EFNA2: variants seen among roughly 807,000 people sequenced by gnomAD.
EFNA2 encodes the protein ephrin-A2.
Under a neutral mutation model 19.7 loss-of-function variants are expected in EFNA2, and 18 were observed. The observed-to-expected ratio is 0.91, with a 90% CI of 0.63 to 1.35. EFNA2 has a LOEUF of 1.35. Among genes scored for constraint, EFNA2 ranks in the 40% most tolerant of loss-of-function variants. EFNA2 has a pLI of 0.00. For missense variants in EFNA2, 303 were observed against 296.0 expected, an observed-to-expected ratio of 1.02 and a Z score of -0.17; for synonymous variants, 187 against 137.8, an observed-to-expected ratio of 1.36 and a Z score of -2.50.
rs922631139 is a variant in EFNA2 at position 1,296,978 on chromosome 19, G to A, written c.454+1120G>A. Reference sequence around the variant, plus strand: ...AACGGCAGGTGGGGAACACAGCAGCGCCAGCCGGAGTCCCAGTCCTGCTTG... The same window carrying A: ...AACGGCAGGTGGGGAACACAGCAGCACCAGCCGGAGTCCCAGTCCTGCTTG... On this transcript the variant is annotated intron_variant, in intron 2 of 3. Transcript: ENST00000215368. This position sits in a 1 kb window ranked among gnomAD's most constrained non-coding sequence, Gnocchi z 4.4. 6.6e-6 allele frequency among the ~76,000 whole-genome samples: 1 copy of A among 152,330 alleles called. No individual in the cohort carries two copies. The highest frequency in any genetic ancestry group is 2.4e-5 in the African/African-American group (1 of 41,570).
chr19:1,284,608 C>T (rs2081454984), upstream of EFNA2, among the ~76,000 whole-genome samples: 1 of 152,166 alleles, frequency 6.6e-6, no homozygotes, highest in Admixed American at 6.5e-5. The surrounding 1 kb of genome is among the most constrained non-coding windows in gnomAD (Gnocchi z 5.3). Flanking sequence ...GAGGAGGGCA[C>T]GCAGGAGACA....
intron 3 of EFNA2, 63 bp from the exon 4 acceptor site, chr19:1,299,761 G>A: frequency 6.6e-7 from 1 of 1,523,050 alleles, no homozygotes; most frequent in Non-Finnish European, 8.8e-7. Flanking sequence ...GAGGGCGGGC[G>A]GCACGTGGGG....
chr19:1,284,331 C>T (rs1027067910), upstream of EFNA2, among the ~76,000 whole-genome samples: 1 of 152,220 alleles, frequency 6.6e-6, no homozygotes, highest in Non-Finnish European at 1.5e-5. This position sits in a 1 kb window ranked among gnomAD's most constrained non-coding sequence, Gnocchi z 5.3. Context: ...TGAAGAGACA[C>T]CCGGCCAGCC....
At position 1,298,735 on chromosome 19, in the gene EFNA2, T is replaced by C. The variant is rs1004126990; in HGVS notation, c.520+119T>C. ...GGCCTCGGGTTTCCCTATCTTGCCC[T>C]GCCTTGCCCCAGCCTCGATTTCCCC... On this transcript the variant is annotated intron_variant, in intron 3 of 3. Coordinates refer to ENST00000215368, the MANE Select transcript of EFNA2 (RefSeq NM_001405.4). The C allele has an allele frequency of 4.5e-6, 5 of 1,114,612 alleles. No homozygotes were observed. The African/African-American group carries it at 6.2e-5, about 14-fold the overall frequency. The allele number at this position is 1,114,612 out of a possible 1,614,324, so 69.0% of individuals were successfully genotyped here. A position where few individuals can be genotyped will look rare whatever the true frequency, so the allele number is the denominator to read the frequency against.
chr19:1,285,368 G>A (rs1043964327), upstream of EFNA2, among the ~76,000 whole-genome samples: 1 of 152,220 alleles, frequency 6.6e-6, no homozygotes, highest in African/African-American at 2.4e-5. This position sits in a 1 kb window ranked among gnomAD's most constrained non-coding sequence, Gnocchi z 4.1. Flanking sequence ...GGGCTGAGGT[G>A]TAGGGACTTA....
chr19:1,286,820 C>T lies in EFNA2; in HGVS notation c.140+512C>T, dbSNP rs1172700516. 3.3e-5 allele frequency among the ~76,000 whole-genome samples: 5 copies of T among 152,228 alleles called. No individual in the cohort carries two copies. The highest frequency in any genetic ancestry group is 6.5e-5 in the Admixed American group (1 of 15,290). On this transcript the variant is annotated intron_variant, in intron 1 of 3. Transcript: ENST00000215368. This position sits in a 1 kb window ranked among gnomAD's most constrained non-coding sequence, Gnocchi z 5.6. ...ACTTGGGGAAGTTGGAGTGTCCCTCCCTCAGGACCCAGCATCTGCTTCACT... is the reference window on the plus strand; with the variant it reads ...ACTTGGGGAAGTTGGAGTGTCCCTCTCTCAGGACCCAGCATCTGCTTCACT...
At chr19:1,289,058 G>A (rs1310638369) in intron 1 of EFNA2, among the ~76,000 whole-genome samples, 1 of 152,250 alleles carries the variant, frequency 6.6e-6, no homozygotes. Flanking sequence ...GCGTGCAGCG[G>A]TGGGGAAGGG....
At chr19:1,298,696 G>A (rs1365570045) in intron 3 of EFNA2, 80 bp downstream of exon 3, 3 of 1,518,674 alleles carry the variant, frequency 2.0e-6, no homozygotes, top group Non-Finnish European at 2.7e-6. Flanking sequence ...GTGTTCAGAA[G>A]AGCCAGGACA....
In EFNA2 at chr19:1,295,997, CA is replaced by C. The variant is rs1468912335; in HGVS notation, c.454+140del. On this transcript the variant is annotated intron_variant, in intron 2 of 3. Transcript: ENST00000215368. The surrounding 1 kb of genome is among the most constrained non-coding windows in gnomAD (Gnocchi z 5.8). ...AGTGGGCGGGGCCGCGGTGTGGGGCCAGGGGGGAGTGGGCGGGGCCGCGGAA... is the reference window on the plus strand; with the variant it reads ...AGTGGGCGGGGCCGCGGTGTGGGGCCGGGGGGAGTGGGCGGGGCCGCGGAA... The C allele has an allele frequency of 4.5e-5, 10 of 219,862 alleles. No homozygotes were observed. The highest frequency in any genetic ancestry group is 2.9e-4 in the African/African-American group (4 of 13,796). 13.6% of individuals were successfully genotyped at this position (219,862 alleles called of 1,614,324 possible). A position where few individuals can be genotyped will look rare whatever the true frequency, so the allele number is the denominator to read the frequency against.
At position 1,299,984 on chromosome 19, in the gene EFNA2, C is replaced by T. The variant is rs371121012; in HGVS notation, c.*39C>T. On this transcript the variant is annotated 3_prime_UTR_variant, in exon 4 of 4. Transcript: ENST00000215368. The stretch of plus-strand genomic sequence containing the variant: ...GGACGCCGACCCTGCCTGGACGGCC[C>T]CGCCTGGACCGCCTGACCTCGGCCC... The T allele has an allele frequency of 1.3e-6, 2 of 1,558,808 alleles. No individual in the cohort carries two copies. The highest frequency in any genetic ancestry group is 2.7e-5 in the African/African-American group (2 of 73,270).
At chr19:1,293,330 C>T (rs1042813842) in intron 1 of EFNA2, among the ~76,000 whole-genome samples, 1 of 152,210 alleles carries the variant, frequency 6.6e-6, no homozygotes, top group Non-Finnish European at 1.5e-5. Context: ...AAGGGGCCAG[C>T]GGGTCAATGA....
chr19:1,285,189 G>A (rs1180770197), upstream of EFNA2, among the ~76,000 whole-genome samples: 2 of 152,220 alleles, frequency 1.3e-5, no homozygotes, highest in Non-Finnish European at 2.9e-5. This position sits in a 1 kb window ranked among gnomAD's most constrained non-coding sequence, Gnocchi z 4.1. Flanking sequence ...ATCAGACCCC[G>A]GGTCTTTGCA....
chr19:1,300,592 G>A lies in EFNA2; in HGVS notation c.*647G>A, dbSNP rs1405504892. Among the ~76,000 whole-genome samples, 3 of 151,914 alleles carry A rather than the reference G, an allele frequency of 2.0e-5. No homozygotes were observed. The highest frequency in any genetic ancestry group is 4.4e-5 in the Non-Finnish European group (3 of 67,998). ...GGGGAACACAGCTGCAGCCCACCGC[G>A]GACCCCCCTGGTGCTCCAGGTTGGG... On this transcript the variant is annotated 3_prime_UTR_variant, in exon 4 of 4. Transcript: ENST00000215368.
chr19:1,288,581 G>C (rs115011449), intron 1 of EFNA2, among the ~76,000 whole-genome samples: 1 of 152,084 alleles, frequency 6.6e-6, no homozygotes, highest in South Asian at 2.1e-4. Context: ...CCAGGGGACC[G>C]TGTGCTCGAT....
rs115994343 is a variant in EFNA2, at chr19:1,287,611, C to A, written c.140+1303C>A. On this transcript the variant is annotated intron_variant, in intron 1 of 3. Transcript: ENST00000215368. The surrounding 1 kb of genome is among the most constrained non-coding windows in gnomAD (Gnocchi z 6.2). ...GGGGAACACGCACAGGCCCACCCCC[C>A]ACCCTGGTCAACGGCCTCGGGTCGG... is the stretch of plus-strand genomic sequence containing the variant. Among the ~76,000 whole-genome samples, 4 of 152,088 alleles carry A rather than the reference C, an allele frequency of 2.6e-5. No homozygotes were observed. The highest frequency in any genetic ancestry group is 2.1e-4 in the South Asian group (1 of 4,828).
rs1395321680 is a variant in EFNA2 at position 1,295,268 on chromosome 19, C to T, written c.141-277C>T. Among the ~76,000 whole-genome samples, 3 of 151,920 alleles carry T rather than the reference C, an allele frequency of 2.0e-5. No homozygotes were observed. Among genetic ancestry groups the T allele is most frequent in the East Asian group, 1.9e-4 (1 of 5,156 alleles). On this transcript the variant is annotated intron_variant, in intron 1 of 3. Transcript: ENST00000215368. This position sits in a 1 kb window ranked among gnomAD's most constrained non-coding sequence, Gnocchi z 5.8. The stretch of plus-strand genomic sequence containing the variant: ...TTCCCCGTGCACCTGTCCCCTGACC[C>T]GTCCCTCCCCGCTCACCCTGTCCCG...
chr19:1,290,891 C>T (rs1045348607), intron 1 of EFNA2, among the ~76,000 whole-genome samples: 3 of 152,198 alleles, frequency 2.0e-5, no homozygotes, highest in Non-Finnish European at 4.4e-5. Flanking sequence ...ACTCTGTGGC[C>T]GAGTCGGTCC....
In EFNA2 at chr19:1,295,998, AG is replaced by A. The variant is rs923000993; in HGVS notation, c.454+146del. ...GTGGGCGGGGCCGCGGTGTGGGGCC[AG>A]GGGGGAGTGGGCGGGGCCGCGGAAT... On this transcript the variant is annotated intron_variant, in intron 2 of 3. Coordinates refer to ENST00000215368, the MANE Select transcript of EFNA2 (RefSeq NM_001405.4). This position sits in a 1 kb window ranked among gnomAD's most constrained non-coding sequence, Gnocchi z 5.8. The A allele has an allele frequency of 2.3e-3, 77 of 33,502 alleles. 1 individual carries two copies. The East Asian group carries it at 0.074, about 32-fold the overall frequency. The allele number at this position is 33,502 out of a possible 1,614,324, so 2.1% of individuals were successfully genotyped here. A position where few individuals can be genotyped will look rare whatever the true frequency, so the allele number is the denominator to read the frequency against.
intron 3 of EFNA2, among the ~76,000 whole-genome samples, chr19:1,299,600 G>T (rs1411746297): frequency 1.4e-5 from 2 of 140,454 alleles, no homozygotes; most frequent in Non-Finnish European, 1.6e-5. Flanking sequence ...AAAAAAAAAA[G>T]ATTAAAAGAG....
Sources: gnomAD v4.1 joint callset for allele counts (sites outside exome capture counted in the v4.1 genomes callset) on GRCh38, gnomAD v4.1.1 for gene constraint, Gnocchi (gnomAD v3.1) non-coding constraint, MANE v1.5 for transcripts, NCBI Gene and HGNC (gene_info 2026-07-23, HGNC 2026-07-21) for gene names.